MYSM1: variants seen among roughly 807,000 people sequenced by gnomAD.
MYSM1 encodes the protein deubiquitinase MYSM1.
In MYSM1, 51 loss-of-function variants were observed where a neutral mutation model predicts 116.0. The observed-to-expected ratio is 0.44, with a 90% CI of 0.35 to 0.56. MYSM1 has a LOEUF of 0.56. Among genes scored for constraint, MYSM1 ranks in the 20% least tolerant of loss-of-function variants. MYSM1 has a pLI of 0.00. For synonymous variants in MYSM1, 313 were observed against 315.2 expected, an observed-to-expected ratio of 0.99 and a Z score of 0.07; for missense variants, 900 against 974.9, an observed-to-expected ratio of 0.92 and a Z score of 1.02.
chr1:58,685,311 AG>A, intron 6 of MYSM1, 60 bp from the exon 7 acceptor site: 1 of 1,067,504 alleles, frequency 9.4e-7, no homozygotes, highest in African/African-American at 1.7e-5. Context: ...GAATAGTCCA[AG>A]CCACTACCAC....
chr1:58,659,367 T>C lies in MYSM1; in HGVS notation c.*630A>G, dbSNP rs1163665018. ...TTTTCAGATAGCTGAGAAAATGGCA[T>C]ATCTTATGATACTACTGCTATACAA... On this transcript the variant is annotated 3_prime_UTR_variant, in exon 20 of 20. Transcript: ENST00000472487. 6.6e-6 allele frequency: 1 copy of C among 152,208 alleles called. No individual in the cohort carries two copies. The highest frequency in any genetic ancestry group is 1.5e-5 in the Non-Finnish European group (1 of 68,024). The allele number at this position is 152,208 out of a possible 1,614,324, so 9.4% of individuals were successfully genotyped here.
rs181134495 is a variant in MYSM1 at position 58,674,513 on chromosome 1, A to G, written c.1495-863T>C. On this transcript the variant is annotated intron_variant, in intron 10 of 19. Coordinates refer to ENST00000472487, the MANE Select transcript of MYSM1 (RefSeq NM_001085487.3). Reference sequence around the variant, plus strand: ...TCTAGATAGAAATGGTTTATAGCCTAAATACTCTGAGAAAAACAGCTATTT... The same window carrying G: ...TCTAGATAGAAATGGTTTATAGCCTGAATACTCTGAGAAAAACAGCTATTT... 3.9e-5 allele frequency among the ~76,000 whole-genome samples: 6 copies of G among 152,350 alleles called. No individual in the cohort carries two copies. In the East Asian group the frequency reaches 1.2e-3, roughly 29 times the overall value.
chr1:58,680,842 G>A (rs1171758762), intron 8 of MYSM1, among the ~76,000 whole-genome samples: 1 of 144,744 alleles, frequency 6.9e-6, no homozygotes, highest in East Asian at 2.0e-4. Flanking sequence ...TTTTTTTTGA[G>A]ATGAAGTCTC....
chr1:58,659,256 GT>G lies in MYSM1; in HGVS notation c.*740del, dbSNP rs1384644562. 5.3e-5 allele frequency: 8 copies of G among 152,124 alleles called. No homozygotes were observed. Among genetic ancestry groups the G allele is most frequent in the African/African-American group, 1.7e-4 (7 of 41,418 alleles). The allele number at this position is 152,124 out of a possible 1,614,324, so 9.4% of individuals were successfully genotyped here. ...TTGAGTTATGATTACCTATGTTCCA[GT>G]TAAATGAGGTTTTATCACACCTACT... is the stretch of plus-strand genomic sequence containing the variant. On this transcript the variant is annotated 3_prime_UTR_variant, in exon 20 of 20. Transcript: ENST00000472487.
intron 1 of MYSM1, among the ~76,000 whole-genome samples, chr1:58,695,779 T>G (rs1271452234): frequency 1.3e-5 from 2 of 152,184 alleles, no homozygotes; most frequent in African/African-American, 4.8e-5. Flanking sequence ...AAAATTAATT[T>G]GATTTGGACG....
Position 58,674,560 on chromosome 1 carries a change from C to T in MYSM1, c.1495-910G>A, listed in dbSNP as rs971630219. 3.3e-4 allele frequency among the ~76,000 whole-genome samples: 50 copies of T among 152,206 alleles called. 1 individual carries two copies. The highest frequency in any genetic ancestry group is 3.4e-3 in the Middle Eastern group (1 of 294). On this transcript the variant is annotated intron_variant, in intron 10 of 19. Coordinates refer to ENST00000472487, the MANE Select transcript of MYSM1 (RefSeq NM_001085487.3). ...ATTTTAGCACCTATACTTTCTTTTTCATATCTTATTTATTACTAATTTAAT... is the reference window on the plus strand; with the variant it reads ...ATTTTAGCACCTATACTTTCTTTTTTATATCTTATTTATTACTAATTTAAT...
rs374342007 is a variant in MYSM1 at position 58,676,919 on chromosome 1, T to C, written c.1390+7A>G. 4 of 1,609,284 alleles carry C rather than the reference T, an allele frequency of 2.5e-6. No homozygotes were observed. Among genetic ancestry groups the C allele is most frequent in the Non-Finnish European group, 3.4e-6 (4 of 1,178,194 alleles). On this transcript the variant is annotated splice_region_variant and intron_variant, in intron 9 of 19. Coordinates refer to ENST00000472487, the MANE Select transcript of MYSM1 (RefSeq NM_001085487.3). The stretch of plus-strand genomic sequence containing the variant: ...AGTAAAAGATGTTGTTGGGTTTTTA[T>C]TTTTACCACATCCAAAATTGATTGC...
chr1:58,697,305 A>G (rs1365340541), intron 1 of MYSM1, among the ~76,000 whole-genome samples: 1 of 152,174 alleles, frequency 6.6e-6, no homozygotes, highest in East Asian at 1.9e-4. Flanking sequence ...TGAGACATCC[A>G]GGTACAGATA....
Position 58,669,055 on chromosome 1 carries a change from AT to A in MYSM1, c.1662-18del. On this transcript the variant is annotated intron_variant, in intron 12 of 19. Coordinates refer to ENST00000472487, the MANE Select transcript of MYSM1 (RefSeq NM_001085487.3). ...TCAAACGAGCTGAAAAAGAAAAAAA[AT>A]TTTCAATACAATCTCAACAAGATTA... 6.5e-7 allele frequency: 1 copy of A among 1,546,674 alleles called. No individual in the cohort carries two copies. Among genetic ancestry groups the A allele is most frequent in the Non-Finnish European group, 8.8e-7 (1 of 1,137,560 alleles).
intron 8 of MYSM1, among the ~76,000 whole-genome samples, chr1:58,679,172 T>C (rs1644701069): frequency 6.6e-6 from 1 of 152,120 alleles, no homozygotes; most frequent in Admixed American, 6.5e-5. Flanking sequence ...CTTTAACTCT[T>C]CTATTTTTTT....
intron 6 of MYSM1, among the ~76,000 whole-genome samples, chr1:58,685,492 A>G (rs1467248358): frequency 1.3e-5 from 2 of 152,260 alleles, no homozygotes; most frequent in South Asian, 2.1e-4. Context: ...TAAAAAGAAT[A>G]GCTATCTAAA....
intron 13 of MYSM1, 74 bp from the exon 14 acceptor site, chr1:58,668,756 C>T: frequency 1.5e-6 from 2 of 1,337,638 alleles, no homozygotes; most frequent in East Asian, 2.5e-5. Flanking sequence ...CTGGAATGCC[C>T]ACCCTGTTCT....
chr1:58,696,761 A>G (rs527484428), intron 1 of MYSM1, among the ~76,000 whole-genome samples: 17 of 152,352 alleles, frequency 1.1e-4, no homozygotes, highest in Admixed American at 7.8e-4. Flanking sequence ...CTATGAGAGC[A>G]CAGACTTGGT....
At position 58,682,158 on chromosome 1, in the gene MYSM1, G is replaced by A; in HGVS notation, c.886C>T (p.Leu296=). ...DETLSSSEIT[L]WTEKQSNGDK... is the part of the protein sequence containing the mutation. ...CCATTGCTCTGTTTCTCAGTCCACA[G>A]TGTAATTTCTGAGCTTGAAAGTGTT... Residue 296 remains leucine, a synonymous_variant, in exon 8 of 20, where the codon CTG becomes TTG. Transcript: ENST00000472487. 1.2e-6 allele frequency: 2 copies of A among 1,612,996 alleles called. No homozygotes were observed. The highest frequency in any genetic ancestry group is 1.7e-5 in the Admixed American group (1 of 59,938).
At chr1:58,682,685 CTTTT>C (rs1013064809) in intron 7 of MYSM1, 140 bp from the exon 8 acceptor site, 7 of 332,340 alleles carry the variant, frequency 2.1e-5, no homozygotes, top group African/African-American at 1.3e-4. Flanking sequence ...ATGCGCTTTT[CTTTT>C]TTTTCTTTTC....
intron 14 of MYSM1, chr1:58,668,351 G>T: frequency 1.1e-6 from 1 of 933,136 alleles, no homozygotes; most frequent in Non-Finnish European, 1.4e-6. Context: ...CTTTGTTTCA[G>T]TGATCTAAAA....
intron 10 of MYSM1, among the ~76,000 whole-genome samples, chr1:58,675,035 A>G (rs1046188708): frequency 2.0e-5 from 3 of 151,570 alleles, no homozygotes; most frequent in African/African-American, 7.3e-5. Flanking sequence ...TTTTTAAAGT[A>G]TGATTTACGA....
intron 17 of MYSM1, among the ~76,000 whole-genome samples, chr1:58,662,781 G>T (rs1299351432): frequency 6.6e-6 from 1 of 152,026 alleles, no homozygotes; most frequent in Admixed American, 6.6e-5. Flanking sequence ...CAGCAAGCCT[G>T]ATGATGATGA....
chr1:58,697,590 A>T (rs1350466353), intron 1 of MYSM1, among the ~76,000 whole-genome samples: 3 of 151,088 alleles, frequency 2.0e-5, no homozygotes, highest in Admixed American at 1.3e-4. Context: ...ACCAAAAAAA[A>T]ATTTTTTTTT....
Sources: allele counts gnomAD v4.1 joint callset (sites outside exome capture counted in the v4.1 genomes callset), GRCh38; gene constraint gnomAD v4.1.1; transcripts MANE v1.5; gene names NCBI Gene and HGNC (gene_info 2026-07-23, HGNC 2026-07-21).